GLIS3: variants seen among roughly 807,000 people sequenced by gnomAD.
The protein encoded by GLIS3 is GLIS family zinc finger 3, also known as zinc finger protein GLIS3.
A neutral mutation model predicts 78.6 loss-of-function variants in GLIS3; 53 were observed. The ratio of observed to expected loss-of-function variants is 0.67; its 90% CI spans 0.54 to 0.85. The LOEUF (loss-of-function observed/expected upper bound fraction) is 0.85, where lower values mean the gene tolerates loss of function less well. GLIS3 is among the 40% of genes least tolerant of loss of function. The pLI is 0.00. For missense variants in GLIS3, 1,703 were observed against 1,231.1 expected, an observed-to-expected ratio of 1.38 and a Z score of -5.74; for synonymous variants, 684 against 509.9, an observed-to-expected ratio of 1.34 and a Z score of -4.60.
intron 2 of GLIS3, among the ~76,000 whole-genome samples, chr9:4,258,394 A>C (rs1825184132): frequency 6.6e-6 from 1 of 152,202 alleles, no homozygotes; most frequent in South Asian, 2.1e-4. Flanking sequence ...CATATTGGTG[A>C]GTAAGACGGT....
At chr9:4,372,077 C>A in the GLIS3 span, among the ~76,000 whole-genome samples, 1 of 152,138 alleles carries the variant, frequency 6.6e-6, no homozygotes, top group African/African-American at 2.4e-5. Flanking sequence ...GAAGATATGA[C>A]TGAGTAACTG....
intron 4 of GLIS3, among the ~76,000 whole-genome samples, chr9:4,032,539 A>G (rs1199858593): frequency 6.6e-6 from 1 of 152,254 alleles, no homozygotes; most frequent in Admixed American, 6.5e-5. Context: ...AATGGCTCAT[A>G]AAACAAACTG....
At chr9:4,457,324 G>A in the GLIS3 span, among the ~76,000 whole-genome samples, 24,243 of 151,192 alleles carry the variant, frequency 0.16, 2,434 homozygotes, top group Non-Finnish European at 0.21. Context: ...TCATACCACT[G>A]CACTCCAGCC....
chr9:4,482,785 T>A, the GLIS3 span, among the ~76,000 whole-genome samples: 5 of 152,076 alleles, frequency 3.3e-5, no homozygotes, highest in African/African-American at 1.2e-4. Flanking sequence ...AACTATTTTT[T>A]AAAAAGGGAA....
At chr9:3,920,880 G>C (rs1284729868) in intron 6 of GLIS3, among the ~76,000 whole-genome samples, 1 of 152,252 alleles carries the variant, frequency 6.6e-6, no homozygotes, top group East Asian at 1.9e-4. Context: ...AGAGCTTCTT[G>C]TCTTCGTGCC....
the GLIS3 span, among the ~76,000 whole-genome samples, chr9:4,420,776 G>A: frequency 6.6e-6 from 1 of 152,112 alleles, no homozygotes; most frequent in African/African-American, 2.4e-5. Context: ...TACATAGGTT[G>A]AGTATATAAC....
the GLIS3 span, among the ~76,000 whole-genome samples, chr9:4,430,534 C>A: frequency 6.6e-6 from 1 of 152,152 alleles, no homozygotes; most frequent in Non-Finnish European, 1.5e-5. Context: ...CCAACTTGAA[C>A]TTTGATGATT....
chr9:4,003,823 T>C lies in GLIS3; in HGVS notation c.1711-66634A>G, dbSNP rs76215582. ...GAAGACAGACGCTTACTCTTGCAAC[T>C]TTCTAAAATTCTTTCTTTGGTGCTT... is the stretch of plus-strand genomic sequence containing the variant. On this transcript the variant is annotated intron_variant, in intron 4 of 10. Transcript: ENST00000381971. Among the ~76,000 whole-genome samples, 639 of 152,358 alleles carry C rather than the reference T, an allele frequency of 4.2e-3. 3 individuals carry two copies. Among genetic ancestry groups the C allele is most frequent in the African/African-American group, 0.015 (611 of 41,580 alleles).
chr9:3,896,671 A>AATT (rs1308609265), intron 7 of GLIS3, among the ~76,000 whole-genome samples: 5 of 27,462 alleles, frequency 1.8e-4, no homozygotes, highest in African/African-American at 6.4e-4. Context: ...CATCTCAATT[A>AATT]AAAAAAAAAA....
At chr9:4,475,223 A>T in the GLIS3 span, among the ~76,000 whole-genome samples, 1 of 152,174 alleles carries the variant, frequency 6.6e-6, no homozygotes, top group Non-Finnish European at 1.5e-5. Flanking sequence ...TTTGAAATAC[A>T]TATGTCCAGA....
rs777068914 is a variant in GLIS3 at position 3,856,213 on chromosome 9, G to A, written c.2298-29C>T. 3.8e-6 allele frequency: 6 copies of A among 1,598,370 alleles called. No individual in the cohort carries two copies. The African/African-American group carries it at 8.0e-5, about 21-fold the overall frequency. ...AGAAAACAATTATAAAAGGAAACAT[G>A]AGGGACATAAAACAGCAGGAACAAA... On this transcript the variant is annotated intron_variant, in intron 8 of 10. Transcript: ENST00000381971.
In GLIS3 at chr9:3,984,279, T is replaced by C. The variant is rs117433289; in HGVS notation, c.1711-47090A>G. On this transcript the variant is annotated intron_variant, in intron 4 of 10. Transcript: ENST00000381971. ...GTTGCAGACACTCAACATCAGCCTA[T>C]GAAGGCTGCTGGGAGGGACGCTATA... is the stretch of plus-strand genomic sequence containing the variant. Among the ~76,000 whole-genome samples the C allele has an allele frequency of 4.7e-3, 721 of 152,334 alleles. 5 individuals carry two copies. The highest frequency in any genetic ancestry group is 6.4e-3 in the Non-Finnish European group (435 of 68,028).
chr9:4,030,670 A>G (rs765858004), intron 4 of GLIS3, among the ~76,000 whole-genome samples: 2 of 152,156 alleles, frequency 1.3e-5, no homozygotes, highest in African/African-American at 2.4e-5. Context: ...AGCACCATTT[A>G]TTGAAGAGAA....
At chr9:4,481,957 T>C in the GLIS3 span, among the ~76,000 whole-genome samples, 1 of 152,234 alleles carries the variant, frequency 6.6e-6, no homozygotes, top group Admixed American at 6.5e-5. Flanking sequence ...TTGTAAATTT[T>C]AAAAAACGTA....
intron 9 of GLIS3, among the ~76,000 whole-genome samples, chr9:3,844,215 C>G (rs1385245328): frequency 6.6e-6 from 1 of 152,136 alleles, no homozygotes; most frequent in African/African-American, 2.4e-5. Context: ...ACCAGCAACC[C>G]AGATGTTCAC....
intron 7 of GLIS3, among the ~76,000 whole-genome samples, chr9:3,897,873 G>A (rs200590004): frequency 1.3e-5 from 2 of 152,222 alleles, no homozygotes; most frequent in African/African-American, 2.4e-5. Context: ...GGAATCAGAT[G>A]GGGGTGGGGG....
At chr9:4,490,128 G>T in the GLIS3 span, among the ~76,000 whole-genome samples, 1 of 152,204 alleles carries the variant, frequency 6.6e-6, no homozygotes, top group Non-Finnish European at 1.5e-5. Flanking sequence ...AGGGAGACGT[G>T]CAGGATGAAG....
intron 4 of GLIS3, among the ~76,000 whole-genome samples, chr9:3,955,238 C>T (rs1368656260): frequency 6.6e-6 from 1 of 152,134 alleles, no homozygotes; most frequent in Non-Finnish European, 1.5e-5. Context: ...GTCATTGCAC[C>T]CATGAAGACA....
the GLIS3 span, among the ~76,000 whole-genome samples, chr9:4,481,374 C>G: frequency 6.6e-6 from 1 of 152,092 alleles, no homozygotes; most frequent in East Asian, 1.9e-4. Context: ...ATCCCAGCTA[C>G]TCAGGAGGCT....
Sources: allele counts gnomAD v4.1 joint callset (sites outside exome capture counted in the v4.1 genomes callset), GRCh38; gene constraint gnomAD v4.1.1; transcripts MANE v1.5; gene names NCBI Gene and HGNC (gene_info 2026-07-23, HGNC 2026-07-21).